HNRNPDL: variants seen among roughly 807,000 people sequenced by gnomAD.
The protein encoded by HNRNPDL is heterogeneous nuclear ribonucleoprotein D like, also known as heterogeneous nuclear ribonucleoprotein D-like.
Under a neutral mutation model 48.0 loss-of-function variants are expected in HNRNPDL, and 18 were observed. That is an observed-to-expected ratio of 0.38 (90% CI 0.26 to 0.56). HNRNPDL has a LOEUF of 0.56. Ranked by LOEUF, HNRNPDL falls within the 20% of genes least tolerant of loss-of-function variation. The pLI is 0.77. For synonymous variants in HNRNPDL, 306 were observed against 207.3 expected (o/e 1.48, Z -4.09); for missense variants, 553 against 540.7 (o/e 1.02, Z -0.23).
chr4:82,422,945 A>G lies in HNRNPDL; in HGVS notation c.*1961T>C, dbSNP rs1721243718. The G allele has an allele frequency of 6.6e-6, 1 of 152,178 alleles. No individual in the cohort carries two copies. The highest frequency in any genetic ancestry group is 2.4e-5 in the African/African-American group (1 of 41,434). The allele number at this position is 152,178 out of a possible 1,614,324, so 9.4% of individuals were successfully genotyped here. ...TTCTAAATTAATCCTTGGGAACGAG[A>G]TCTTGATAGTAGCTTCAGTTCATCC... On this transcript the variant is annotated 3_prime_UTR_variant, in exon 8 of 8. Coordinates refer to ENST00000295470, the MANE Select transcript of HNRNPDL (RefSeq NM_031372.4).
At chr4:82,429,010 G>A (rs567282719) in intron 1 of HNRNPDL, among the ~76,000 whole-genome samples, 2 of 151,730 alleles carry the variant, frequency 1.3e-5, no homozygotes, top group Admixed American at 6.6e-5. Flanking sequence ...TGCGCGCTCG[G>A]GACACAGACG....
chr4:82,427,690 A>T (rs1243374111), intron 3 of HNRNPDL, 126 bp from the exon 4 acceptor site: 1 of 816,340 alleles, frequency 1.2e-6, no homozygotes, highest in African/African-American at 1.7e-5. Flanking sequence ...CTATACAGAC[A>T]TCACTGCTTT....
In HNRNPDL at chr4:82,429,608, G is replaced by T; in HGVS notation, c.83C>A (p.Ser28Tyr). 2 of 1,383,596 alleles carry T rather than the reference G, an allele frequency of 1.4e-6. No individual in the cohort carries two copies. The highest frequency in any genetic ancestry group is 1.9e-6 in the Non-Finnish European group (2 of 1,071,842). 85.7% of individuals were successfully genotyped at this position (1,383,596 alleles called of 1,614,324 possible). A position where few individuals can be genotyped will look rare whatever the true frequency, so the allele number is the denominator to read the frequency against. The change falls in exon 1 of 8, where the codon TCC becomes TAC. Residue 28 changes from serine (S) to tyrosine (Y), a missense_variant. By Grantham distance (144) the Ser-to-Tyr change is moderately radical. Around this residue, in one of 4 missense-constraint regions of HNRNPDL, gnomAD observed 327 missense variants for 203.2 expected, o/e 1.61. Coordinates refer to ENST00000295470, the MANE Select transcript of HNRNPDL (RefSeq NM_031372.4). ...CCGCGGCGGCCGCGGCCGCCAATGG[G>T]AGAGGCTGCGGGAGGCTAAAGTAGC... is the stretch of plus-strand genomic sequence containing the variant. ...APATLASRSL[S>Y]HWRPRPPRQL...
chr4:82,428,805 C>T (rs781739542), intron 1 of HNRNPDL, among the ~76,000 whole-genome samples: 4 of 152,246 alleles, frequency 2.6e-5, no homozygotes, highest in Non-Finnish European at 5.9e-5. Flanking sequence ...ACGTTCCACC[C>T]AGAGAACTCA....
Position 82,429,876 on chromosome 4 carries a change from C to A in HNRNPDL, c.-186G>T, listed in dbSNP as rs1721644187. On this transcript the variant is annotated 5_prime_UTR_variant, in exon 1 of 8. Coordinates refer to ENST00000295470, the MANE Select transcript of HNRNPDL (RefSeq NM_031372.4). ...TGTCTCTGGCGTCCGGTCCAGCCCA[C>A]TCCTACCAAAAAGCCGTCAACCCCG... 1 of 413,926 alleles carries A rather than the reference C, an allele frequency of 2.4e-6. No homozygotes were observed. The highest frequency in any genetic ancestry group is 4.2e-6 in the Non-Finnish European group (1 of 240,250). 25.6% of individuals were successfully genotyped at this position (413,926 alleles called of 1,614,324 possible). A position where few individuals can be genotyped will look rare whatever the true frequency, so the allele number is the denominator to read the frequency against.
In HNRNPDL at chr4:82,424,882, T is replaced by C. The variant is rs982396700; in HGVS notation, c.*24A>G. ...CAAGATGGGTTACTTTAACATCTCC[T>C]CCTAAAAACAAAAACAAAATACCAG... On this transcript the variant is annotated splice_region_variant and 3_prime_UTR_variant, in exon 8 of 8. Transcript: ENST00000295470. 2.0e-5 allele frequency: 3 copies of C among 152,202 alleles called. No homozygotes were observed. Among genetic ancestry groups the C allele is most frequent in the Non-Finnish European group, 4.4e-5 (3 of 68,030 alleles). The allele number at this position is 152,202 out of a possible 1,614,324, so 9.4% of individuals were successfully genotyped here.
In HNRNPDL at chr4:82,429,126, G is replaced by C. The variant is rs1268912338; in HGVS notation, c.443+122C>G. 3 of 885,184 alleles carry C rather than the reference G, an allele frequency of 3.4e-6. No individual in the cohort carries two copies. The African/African-American group carries it at 4.9e-5, about 14-fold the overall frequency. The allele number at this position is 885,184 out of a possible 1,614,324, so 54.8% of individuals were successfully genotyped here. ...TTCCTCTTCCCTCCAATCTAGTGGGGCCCAGAAGGCACGCGGGGAATCGAC... is the reference window on the plus strand; with the variant it reads ...TTCCTCTTCCCTCCAATCTAGTGGGCCCCAGAAGGCACGCGGGGAATCGAC... On this transcript the variant is annotated intron_variant, in intron 1 of 7. Transcript: ENST00000295470.
chr4:82,425,761 A>G (rs1249789048), intron 7 of HNRNPDL: 1 of 344,426 alleles, frequency 2.9e-6, no homozygotes, highest in African/African-American at 2.1e-5. Context: ...ACCTGTTAAT[A>G]GTTCTAAAAT....
Position 82,429,426 on chromosome 4 carries a change from G to A in HNRNPDL, c.265C>T (p.His89Tyr). ...CGTTGTATGGAGCTGGATTTAAAAT[G>A]GCGGCGGAAGAGATCCGGGCGCCGC... ...RRRRPDLFRR[H>Y]FKSSSIQRSA... The change falls in exon 1 of 8, where the codon CAT (histidine) becomes TAT (tyrosine). Residue 89 changes from histidine to tyrosine, a missense_variant. Coordinates refer to ENST00000295470, the MANE Select transcript of HNRNPDL (RefSeq NM_031372.4). 7.4e-6 allele frequency: 12 copies of A among 1,612,630 alleles called. No individual in the cohort carries two copies. The highest frequency in any genetic ancestry group is 1.0e-5 in the Non-Finnish European group (12 of 1,179,528).
In HNRNPDL at chr4:82,423,442, A is replaced by G. The variant is rs578194743; in HGVS notation, c.*1464T>C. On this transcript the variant is annotated 3_prime_UTR_variant, in exon 8 of 8. Transcript: ENST00000295470. Reference sequence around the variant, plus strand: ...TTGGCCTAAGTTTAAGAATAGCAAAACAGCAGCAAAAAAGAGGCCAAGAGC... The same window carrying G: ...TTGGCCTAAGTTTAAGAATAGCAAAGCAGCAGCAAAAAAGAGGCCAAGAGC... 1.3e-5 allele frequency: 2 copies of G among 152,296 alleles called. No homozygotes were observed. The highest frequency in any genetic ancestry group is 2.9e-5 in the Non-Finnish European group (2 of 68,012). 9.4% of individuals were successfully genotyped at this position (152,296 alleles called of 1,614,324 possible). A position where few individuals can be genotyped will look rare whatever the true frequency, so the allele number is the denominator to read the frequency against.
Position 82,429,521 on chromosome 4 carries a change from G to A in HNRNPDL, c.170C>T (p.Ala57Val). The change falls in exon 1 of 8, where the codon GCC becomes GTC. Residue 57 changes from alanine (A) to valine (V), a missense_variant. This residue lies in a region of HNRNPDL where 327 missense variants were observed against 203.2 expected (regional missense o/e 1.61). Transcript: ENST00000295470. ...PSSARQGARR[A>V]QRHVTAQQPS... Reference sequence around the variant, plus strand: ...CTGCTGGGCGGTGACGTGGCGCTGGGCCCGGCGCGCCCCCTGCCGGGCGGA... The same window carrying A: ...CTGCTGGGCGGTGACGTGGCGCTGGACCCGGCGCGCCCCCTGCCGGGCGGA... 5 of 1,495,038 alleles carry A rather than the reference G, an allele frequency of 3.3e-6. No individual in the cohort carries two copies. The highest frequency in any genetic ancestry group is 4.4e-6 in the Non-Finnish European group (5 of 1,124,440). The allele number at this position is 1,495,038 out of a possible 1,614,324, so 92.6% of individuals were successfully genotyped here.
Position 82,429,499 on chromosome 4 carries a change from C to T in HNRNPDL, c.192G>A (p.Gln64=), listed in dbSNP as rs1255049120. The change falls in exon 1 of 8, where the codon CAG becomes CAA. Residue 64 remains glutamine (Q), a synonymous_variant. Coordinates refer to ENST00000295470, the MANE Select transcript of HNRNPDL (RefSeq NM_031372.4). The stretch of plus-strand genomic sequence containing the variant: ...CCCCGCCCGCCAATCGGGAGGGCTG[C>T]TGGGCGGTGACGTGGCGCTGGGCCC... ...ARRAQRHVTA[Q]QPSRLAGGAA... The T allele has an allele frequency of 6.4e-7, 1 of 1,552,822 alleles. No homozygotes were observed. The highest frequency in any genetic ancestry group is 2.0e-5 in the Admixed American group (1 of 50,428).
rs1721322264 is a variant in HNRNPDL, at chr4:82,424,269, A to C, written c.*637T>G. ...AAAATGGCTTTCCAGAGACAGGAAC[A>C]AAGTAAAAGGAGCTACTAACAATTT... On this transcript the variant is annotated 3_prime_UTR_variant, in exon 8 of 8. Coordinates refer to ENST00000295470, the MANE Select transcript of HNRNPDL (RefSeq NM_031372.4). 1.3e-5 allele frequency: 2 copies of C among 152,266 alleles called. No individual in the cohort carries two copies. 9.4% of individuals were successfully genotyped at this position (152,266 alleles called of 1,614,324 possible).
At chr4:82,426,706 G>T in intron 5 of HNRNPDL, 73 bp from the exon 6 acceptor site, 1 of 1,239,514 alleles carries the variant, frequency 8.1e-7, no homozygotes, top group Non-Finnish European at 1.2e-6. Flanking sequence ...ATGCGTTCTT[G>T]TCTCTCACTC....
intron 6 of HNRNPDL, 100 bp from the exon 7 acceptor site, chr4:82,426,229 A>C: frequency 1.7e-6 from 2 of 1,146,970 alleles, no homozygotes; most frequent in Non-Finnish European, 2.6e-6. Flanking sequence ...TGCTAAATAA[A>C]AAGTATTAAG....
In HNRNPDL at chr4:82,423,375, T is replaced by G. The variant is rs1342427489; in HGVS notation, c.*1531A>C. 6.6e-6 allele frequency: 1 copy of G among 152,184 alleles called. No homozygotes were observed. The highest frequency in any genetic ancestry group is 1.5e-5 in the Non-Finnish European group (1 of 68,032). The allele number at this position is 152,184 out of a possible 1,614,324, so 9.4% of individuals were successfully genotyped here. A position where few individuals can be genotyped will look rare whatever the true frequency, so the allele number is the denominator to read the frequency against. On this transcript the variant is annotated 3_prime_UTR_variant, in exon 8 of 8. Coordinates refer to ENST00000295470, the MANE Select transcript of HNRNPDL (RefSeq NM_031372.4). ...CTTACTTCCATTCCCTAAAGTTGCATGTTGAATGAACAGAATCCCTTCTAA... is the reference window on the plus strand; with the variant it reads ...CTTACTTCCATTCCCTAAAGTTGCAGGTTGAATGAACAGAATCCCTTCTAA...
chr4:82,429,155 G>C (rs537568406), intron 1 of HNRNPDL, 93 bp downstream of exon 1: 40 of 1,207,138 alleles, frequency 3.3e-5, no homozygotes, highest in Non-Finnish European at 4.8e-5. Flanking sequence ...AATCGACTCT[G>C]AGAAAGAATG....
chr4:82,426,715 T>G, intron 5 of HNRNPDL, 82 bp from the exon 6 acceptor site: 1 of 1,146,590 alleles, frequency 8.7e-7, no homozygotes. Flanking sequence ...TGTCTCTCAC[T>G]CTGCAAATCT....
intron 6 of HNRNPDL, 130 bp downstream of exon 6, chr4:82,426,333 T>A: frequency 1.1e-6 from 1 of 901,686 alleles, no homozygotes; most frequent in Admixed American, 2.3e-5. Context: ...CCTATGATTG[T>A]AACATGCCTC....
Sources: allele counts gnomAD v4.1 joint callset (sites outside exome capture counted in the v4.1 genomes callset), GRCh38; gene constraint gnomAD v4.1.1; regional missense constraint gnomAD v4.1.1; transcripts MANE v1.5; gene names NCBI Gene and HGNC (gene_info 2026-07-23, HGNC 2026-07-21).